Variants in CNTNAP2 observed in about 807,000 individuals in gnomAD.
CNTNAP2 encodes contactin associated protein 2.
A neutral mutation model predicts 155.2 loss-of-function variants in CNTNAP2; 98 were observed. The ratio of observed to expected loss-of-function variants is 0.63; its 90% CI spans 0.54 to 0.75. CNTNAP2 has a LOEUF of 0.75. Among genes scored for constraint, CNTNAP2 ranks in the 30% least tolerant of loss-of-function variants. The pLI is 0.00. For missense variants in CNTNAP2, 1,727 were observed against 1,688.1 expected, an observed-to-expected ratio of 1.02 and a Z score of -0.40; for synonymous variants, 651 against 631.2, an observed-to-expected ratio of 1.03 and a Z score of -0.47.
chr7:146,871,144 G>A lies in CNTNAP2; in HGVS notation c.402+31240G>A, dbSNP rs115019122. Among the ~76,000 whole-genome samples, 1,169 of 152,222 alleles carry A rather than the reference G, an allele frequency of 7.7e-3. 13 individuals are homozygous for A. The highest frequency in any genetic ancestry group is 0.025 in the African/African-American group (1,029 of 41,526). ...AGGAGTGATTTTATGTATATGTGACGAATTAGGCAACTTATGCTTGAAAAT... is the reference window on the plus strand; with the variant it reads ...AGGAGTGATTTTATGTATATGTGACAAATTAGGCAACTTATGCTTGAAAAT... On this transcript the variant is annotated intron_variant, in intron 3 of 23. Coordinates refer to ENST00000361727, the MANE Select transcript of CNTNAP2 (RefSeq NM_014141.6).
chr7:147,281,943 C>G (rs1045414605), intron 8 of CNTNAP2, among the ~76,000 whole-genome samples: 15 of 151,964 alleles, frequency 9.9e-5, no homozygotes, highest in African/African-American at 3.4e-4. Context: ...CCCTCTACAC[C>G]TGTGAGCTGA....
At chr7:147,809,493 A>G (rs1398870885) in intron 13 of CNTNAP2, among the ~76,000 whole-genome samples, 3 of 152,186 alleles carry the variant, frequency 2.0e-5, no homozygotes, top group South Asian at 4.1e-4. Flanking sequence ...ATTGAAACTC[A>G]TCCCCCATGA....
Position 147,915,513 on chromosome 7 carries a change from A to G in CNTNAP2, c.2255+11792A>G, listed in dbSNP as rs373418015. ...ACACCAGTTGCTAAACTGACCAGAA[A>G]GATTGTTGATATTCAAATAAATGTG... On this transcript the variant is annotated intron_variant, in intron 14 of 23. Transcript: ENST00000361727. 2.6e-5 allele frequency among the ~76,000 whole-genome samples: 4 copies of G among 152,244 alleles called. No individual in the cohort carries two copies. The East Asian group carries it at 7.7e-4, about 29-fold the overall frequency.
At chr7:147,377,238 TA>T (rs1796450894) in intron 9 of CNTNAP2, among the ~76,000 whole-genome samples, 1 of 151,730 alleles carries the variant, frequency 6.6e-6, no homozygotes, top group Admixed American at 6.6e-5. Flanking sequence ...GGATTATCCT[TA>T]TTTTTTTTCA....
intron 2 of CNTNAP2, among the ~76,000 whole-genome samples, chr7:146,808,677 G>A (rs1803011138): frequency 6.6e-6 from 1 of 152,124 alleles, no homozygotes; most frequent in Non-Finnish European, 1.5e-5. Flanking sequence ...AATCTAATTG[G>A]AAGTATACAT....
At chr7:146,557,288 G>T (rs185397860) in intron 1 of CNTNAP2, among the ~76,000 whole-genome samples, 1 of 152,086 alleles carries the variant, frequency 6.6e-6, no homozygotes, top group Admixed American at 6.5e-5. Flanking sequence ...GAAGACAGGG[G>T]CAGTATGTAC....
At chr7:146,977,115 C>T (rs1233337008) in intron 3 of CNTNAP2, among the ~76,000 whole-genome samples, 1 of 152,010 alleles carries the variant, frequency 6.6e-6, no homozygotes. Flanking sequence ...AGAGCCAGAA[C>T]ATAAATGAAA....
chr7:146,777,132 T>C (rs2129186422), intron 2 of CNTNAP2, among the ~76,000 whole-genome samples: 1 of 152,300 alleles, frequency 6.6e-6, no homozygotes, highest in African/African-American at 2.4e-5. Flanking sequence ...ACCATTGATA[T>C]ACTGGATTGT....
intron 13 of CNTNAP2, among the ~76,000 whole-genome samples, chr7:147,649,916 C>A (rs1795424636): frequency 6.6e-6 from 1 of 151,672 alleles, no homozygotes. Context: ...AATAATGTAA[C>A]AAAATTTAAG....
intron 8 of CNTNAP2, among the ~76,000 whole-genome samples, chr7:147,179,689 G>A (rs958171178): frequency 6.6e-6 from 1 of 152,100 alleles, no homozygotes; most frequent in Non-Finnish European, 1.5e-5. Context: ...GGAGATGAGA[G>A]CCTATATTAA....
At chr7:147,669,732 G>T (rs1795755940) in intron 13 of CNTNAP2, among the ~76,000 whole-genome samples, 2 of 152,060 alleles carry the variant, frequency 1.3e-5, no homozygotes, top group East Asian at 3.9e-4. Flanking sequence ...TTTCCCATTG[G>T]CACCACCATT....
rs550833993 is a variant in CNTNAP2 at position 148,214,632 on chromosome 7, C to T, written c.3011-2656C>T. ...CTGCGGCCAGGCTGGAATGCAGTGG[C>T]GGATCTCGGCTCAGTACAACCTCCG... is the stretch of plus-strand genomic sequence containing the variant. On this transcript the variant is annotated intron_variant, in intron 18 of 23. Coordinates refer to ENST00000361727, the MANE Select transcript of CNTNAP2 (RefSeq NM_014141.6). Among the ~76,000 whole-genome samples the T allele has an allele frequency of 9.9e-5, 15 of 152,038 alleles. No homozygotes were observed. In the South Asian group the frequency reaches 1.7e-3, roughly 17 times the overall value.
intron 1 of CNTNAP2, among the ~76,000 whole-genome samples, chr7:146,417,120 T>C (rs1314494138): frequency 2.6e-5 from 4 of 152,162 alleles, no homozygotes; most frequent in Non-Finnish European, 5.9e-5. Flanking sequence ...TAACTATGTC[T>C]GTACATAGTT....
At position 148,372,208 on chromosome 7, in the gene CNTNAP2, AT is replaced by A. The variant is rs771461329; in HGVS notation, c.3476-11440del. Among the ~76,000 whole-genome samples the A allele has an allele frequency of 6.6e-4, 101 of 152,240 alleles. 1 individual carries two copies. The highest frequency in any genetic ancestry group is 3.4e-3 in the Middle Eastern group (1 of 294). On this transcript the variant is annotated intron_variant, in intron 21 of 23. Coordinates refer to ENST00000361727, the MANE Select transcript of CNTNAP2 (RefSeq NM_014141.6). ...AGAACAAGACTCCGTCTCAAAAAAA[AT>A]AAATAAAAAATAAAAGTAAAAATTG...
chr7:147,659,929 A>C (rs561812672), intron 13 of CNTNAP2, among the ~76,000 whole-genome samples: 1 of 152,368 alleles, frequency 6.6e-6, no homozygotes, highest in South Asian at 2.1e-4. Flanking sequence ...CAGTGTTTGC[A>C]AATATTCATA....
intron 21 of CNTNAP2, among the ~76,000 whole-genome samples, chr7:148,348,901 A>G (rs551303502): frequency 2.3e-4 from 35 of 152,222 alleles, no homozygotes; most frequent in Non-Finnish European, 4.3e-4. Context: ...TTACAGACAC[A>G]TAAAATGATT....
intron 15 of CNTNAP2, among the ~76,000 whole-genome samples, chr7:147,988,273 C>T (rs1801653453): frequency 6.6e-6 from 1 of 152,098 alleles, no homozygotes; most frequent in Non-Finnish European, 1.5e-5. Flanking sequence ...CAATAGATGA[C>T]AAAGTTTCCT....
chr7:147,756,429 C>G (rs372499989), intron 13 of CNTNAP2, among the ~76,000 whole-genome samples: 9 of 152,152 alleles, frequency 5.9e-5, no homozygotes, highest in African/African-American at 2.2e-4. Context: ...GTGTAGACAT[C>G]TTGACCAAAG....
chr7:146,937,467 G>GTTAA (rs1796943919), intron 3 of CNTNAP2, among the ~76,000 whole-genome samples: 1 of 152,146 alleles, frequency 6.6e-6, no homozygotes, highest in Non-Finnish European at 1.5e-5. Context: ...TCTCACTAGA[G>GTTAA]TTAACTCCAG....
Sources: gnomAD v4.1 joint callset for allele counts (sites outside exome capture counted in the v4.1 genomes callset) on GRCh38, gnomAD v4.1.1 for gene constraint, MANE v1.5 for transcripts, NCBI Gene and HGNC (gene_info 2026-07-23, HGNC 2026-07-21) for gene names.